Variants in PLD5 observed in about 807,000 individuals in gnomAD.
PLD5 encodes inactive phospholipase D5.
In PLD5, 36 loss-of-function variants were observed where a neutral mutation model predicts 61.1. That is an observed-to-expected ratio of 0.59 (90% CI 0.45 to 0.78). PLD5 has a LOEUF of 0.78. Among genes scored for constraint, PLD5 ranks in the 30% least tolerant of loss-of-function variants. PLD5 has a pLI of 0.00. For missense variants in PLD5, 515 were observed against 644.4 expected (o/e 0.80, Z 2.17); for synonymous variants, 243 against 242.8 (o/e 1.00, Z -0.01).
intron 1 of PLD5, among the ~76,000 whole-genome samples, chr1:242,457,069 G>T (rs75623525): frequency 6.6e-6 from 1 of 152,144 alleles, no homozygotes; most frequent in East Asian, 1.9e-4. Flanking sequence ...TGGGCTCCCT[G>T]TCAAACCGGA....
At chr1:242,496,556 G>T (rs1215703096) in intron 1 of PLD5, among the ~76,000 whole-genome samples, 1 of 152,182 alleles carries the variant, frequency 6.6e-6, no homozygotes, top group African/African-American at 2.4e-5. Flanking sequence ...GACTTTGCGA[G>T]ATTGTTTCTA....
At chr1:242,246,744 G>A (rs1158003672) in intron 4 of PLD5, among the ~76,000 whole-genome samples, 1 of 152,118 alleles carries the variant, frequency 6.6e-6, no homozygotes, top group Non-Finnish European at 1.5e-5. Flanking sequence ...TTTTACAGAG[G>A]TTTATTCTGA....
intron 8 of PLD5, 43 bp downstream of exon 8, chr1:242,107,628 G>T: frequency 1.3e-6 from 2 of 1,508,426 alleles, no homozygotes; most frequent in Non-Finnish European, 1.8e-6. Context: ...CATGCAGAGG[G>T]CATTCACTTT....
chr1:242,287,011 G>A lies in PLD5; in HGVS notation c.495+1351C>T, dbSNP rs539922214. 4.0e-3 allele frequency among the ~76,000 whole-genome samples: 610 copies of A among 152,176 alleles called. 5 individuals carry two copies. Among genetic ancestry groups the A allele is most frequent in the Non-Finnish European group, 6.5e-3 (445 of 68,004 alleles). ...ATCCTCATTCCTGTACTTGGATGTT[G>A]CTCCTCCCTTCCTGGACTTGAGACG... On this transcript the variant is annotated intron_variant, in intron 3 of 9. Coordinates refer to ENST00000536534, the MANE Select transcript of PLD5 (RefSeq NM_001372062.1).
intron 5 of PLD5, among the ~76,000 whole-genome samples, chr1:242,207,820 ATATTTATATATATT>A (rs1669457287): frequency 1.3e-5 from 1 of 74,930 alleles, no homozygotes; most frequent in Non-Finnish European, 2.3e-5. Context: ...TTATATTTAT[ATATTTATATATATT>A]TATATATTTA....
intron 1 of PLD5, among the ~76,000 whole-genome samples, chr1:242,455,329 T>C (rs1572183054): frequency 6.6e-6 from 1 of 152,214 alleles, no homozygotes; most frequent in Non-Finnish European, 1.5e-5. Flanking sequence ...ACTGGATTGA[T>C]TTATACCTGA....
chr1:242,332,834 A>T (rs1659267528), intron 2 of PLD5, among the ~76,000 whole-genome samples: 1 of 152,208 alleles, frequency 6.6e-6, no homozygotes, highest in Admixed American at 6.5e-5. Flanking sequence ...AACTGCTTAC[A>T]TTACTGGAAA....
At chr1:242,370,714 T>C (rs140622168) in intron 1 of PLD5, among the ~76,000 whole-genome samples, 3 of 152,168 alleles carry the variant, frequency 2.0e-5, no homozygotes, top group African/African-American at 4.8e-5. Context: ...TCAATGTCAA[T>C]AGGAAGAGTC....
At position 242,089,717 on chromosome 1, in the gene PLD5, T is replaced by C. The variant is rs1659664301; in HGVS notation, c.*137A>G. 3.6e-6 allele frequency: 4 copies of C among 1,100,662 alleles called. No individual in the cohort carries two copies. The South Asian group carries it at 4.6e-5, about 13-fold the overall frequency. The allele number at this position is 1,100,662 out of a possible 1,614,324, so 68.2% of individuals were successfully genotyped here. ...CTAAGATATTGTTAGATAGGTATTA[T>C]GTGTTGTTCAGAGAATATTTTTTAT... On this transcript the variant is annotated 3_prime_UTR_variant, in exon 10 of 10. Coordinates refer to ENST00000536534, the MANE Select transcript of PLD5 (RefSeq NM_001372062.1).
At chr1:242,407,998 ATTTT>A (rs1410596868) in intron 1 of PLD5, among the ~76,000 whole-genome samples, 1 of 150,842 alleles carries the variant, frequency 6.6e-6, no homozygotes, top group African/African-American at 2.5e-5. Flanking sequence ...AATATTTTTT[ATTTT>A]TTTAATAGCT....
chr1:242,225,800 T>C (rs1212265586), intron 4 of PLD5, among the ~76,000 whole-genome samples: 1 of 152,270 alleles, frequency 6.6e-6, no homozygotes, highest in Non-Finnish European at 1.5e-5. Flanking sequence ...TTGGGTAGTT[T>C]CCACTTACTG....
intron 4 of PLD5, among the ~76,000 whole-genome samples, chr1:242,262,286 G>T (rs1673420151): frequency 1.3e-5 from 2 of 152,162 alleles, no homozygotes; most frequent in Admixed American, 1.3e-4. Context: ...CGAAATAGTG[G>T]TTCCCTCTGC....
At chr1:242,278,192 G>A (rs557640019) in intron 3 of PLD5, among the ~76,000 whole-genome samples, 1 of 151,850 alleles carries the variant, frequency 6.6e-6, no homozygotes, top group Non-Finnish European at 1.5e-5. Flanking sequence ...TGACCTATTC[G>A]AGTGAAAGTA....
At chr1:242,241,147 G>C (rs394825) in intron 4 of PLD5, among the ~76,000 whole-genome samples, 44,068 of 151,784 alleles carry the variant, frequency 0.29, 7,780 homozygotes, top group African/African-American at 0.5. Context: ...CCGTTCTACA[G>C]AAAGGTATGG....
At chr1:242,131,395 T>TG (rs1193978976) in intron 5 of PLD5, among the ~76,000 whole-genome samples, 1 of 152,020 alleles carries the variant, frequency 6.6e-6, no homozygotes, top group East Asian at 1.9e-4. Flanking sequence ...GGGACTTTGG[T>TG]GGGAGGGTTT....
chr1:242,471,862 T>C (rs1203656389), intron 1 of PLD5, among the ~76,000 whole-genome samples: 1 of 152,226 alleles, frequency 6.6e-6, no homozygotes, highest in East Asian at 1.9e-4. Flanking sequence ...TTTCTTCATG[T>C]TCCTACTGTT....
chr1:242,211,751 T>C (rs1669837547), intron 5 of PLD5, among the ~76,000 whole-genome samples: 1 of 152,100 alleles, frequency 6.6e-6, no homozygotes, highest in Admixed American at 6.6e-5. Flanking sequence ...AACTGCACAG[T>C]CAGTAAGTCA....
intron 5 of PLD5, among the ~76,000 whole-genome samples, chr1:242,212,956 A>G (rs1227458790): frequency 1.3e-5 from 2 of 152,204 alleles, no homozygotes; most frequent in African/African-American, 4.8e-5. Flanking sequence ...ATAAAGAGCA[A>G]TTAAAAGCTG....
chr1:242,479,505 G>T (rs948155164), intron 1 of PLD5, among the ~76,000 whole-genome samples: 19 of 152,076 alleles, frequency 1.2e-4, no homozygotes, highest in Admixed American at 7.9e-4. Flanking sequence ...ACTGCTGAAA[G>T]AAATTTTAAG....
Sources: allele counts gnomAD v4.1 joint callset (sites outside exome capture counted in the v4.1 genomes callset), GRCh38; gene constraint gnomAD v4.1.1; transcripts MANE v1.5; gene names NCBI Gene and HGNC (gene_info 2026-07-23, HGNC 2026-07-21).